Variants in TPCN1 observed in about 807,000 individuals in gnomAD.
TPCN1 encodes two pore segment channel 1.
In TPCN1, 52 loss-of-function variants were observed where a neutral mutation model predicts 108.8. That is an observed-to-expected ratio of 0.48 (90% confidence interval 0.38 to 0.60). The LOEUF (loss-of-function observed/expected upper bound fraction) is 0.60, where lower values mean the gene tolerates loss of function less well. TPCN1 is among the 20% of genes least tolerant of loss of function. The pLI is 0.00. For missense variants in TPCN1, 806 were observed against 1,072.8 expected, an observed-to-expected ratio of 0.75 and a Z score of 3.47; for synonymous variants, 446 against 433.7, an observed-to-expected ratio of 1.03 and a Z score of -0.35.
Position 113,231,741 on chromosome 12 carries a change from C to G in TPCN1, c.112+4777C>G, listed in dbSNP as rs1041026361. On this transcript the variant is annotated intron_variant, in intron 2 of 27. Coordinates refer to ENST00000335509, the MANE Select transcript of TPCN1 (RefSeq NM_017901.6). This position sits in a 1 kb window ranked among gnomAD's most constrained non-coding sequence, Gnocchi z 4.3. Reference sequence around the variant, plus strand: ...AGACATCTTTGGGCTCTAAGTGCGGCTGCTGCAGTGCTAATGAATGACTCA... The same window carrying G: ...AGACATCTTTGGGCTCTAAGTGCGGGTGCTGCAGTGCTAATGAATGACTCA... Among the ~76,000 whole-genome samples, 2 of 152,210 alleles carry G rather than the reference C, an allele frequency of 1.3e-5. No homozygotes were observed. The highest frequency in any genetic ancestry group is 6.5e-5 in the Admixed American group (1 of 15,284).
At position 113,266,090 on chromosome 12, in the gene TPCN1, G is replaced by A; in HGVS notation, c.238-90G>A. ...GCCTGAATCTCTCCTCGCCTGCCTG[G>A]GGCCTTCCTTTCCTCCCCTGCCCGC... On this transcript the variant is annotated intron_variant, in intron 3 of 27. Coordinates refer to ENST00000335509, the MANE Select transcript of TPCN1 (RefSeq NM_017901.6). The surrounding 1 kb of genome is among the most constrained non-coding windows in gnomAD (Gnocchi z 4.2). 1 of 1,404,144 alleles carries A rather than the reference G, an allele frequency of 7.1e-7. No individual in the cohort carries two copies. Among genetic ancestry groups the A allele is most frequent in the Non-Finnish European group, 9.9e-7 (1 of 1,011,778 alleles). The allele number at this position is 1,404,144 out of a possible 1,614,324, so 87.0% of individuals were successfully genotyped here.
chr12:113,288,881 C>T lies in TPCN1; in HGVS notation c.1796+34C>T, dbSNP rs1429018710. The T allele has an allele frequency of 1.9e-6, 3 of 1,606,284 alleles. No individual in the cohort carries two copies. Among genetic ancestry groups the T allele is most frequent in the Non-Finnish European group, 1.7e-6 (2 of 1,174,434 alleles). On this transcript the variant is annotated intron_variant, in intron 21 of 27. Coordinates refer to ENST00000335509, the MANE Select transcript of TPCN1 (RefSeq NM_017901.6). The surrounding 1 kb of genome is among the most constrained non-coding windows in gnomAD (Gnocchi z 4.8). Reference sequence around the variant, plus strand: ...GCCCCACCCAGCCCCAGGCAGCCTGCATTTCCCGGGCAGAGGGCTGGCCAG... The same window carrying T: ...GCCCCACCCAGCCCCAGGCAGCCTGTATTTCCCGGGCAGAGGGCTGGCCAG...
chr12:113,244,109 CT>C (rs1295752582), intron 2 of TPCN1, among the ~76,000 whole-genome samples: 3 of 152,234 alleles, frequency 2.0e-5, no homozygotes, highest in Non-Finnish European at 4.4e-5. Flanking sequence ...GACAGTGAAC[CT>C]CTCTGGACTT....
rs536698670 is a variant in TPCN1 at position 113,259,257 on chromosome 12, G to C, written c.113-1111G>C. Among the ~76,000 whole-genome samples the C allele has an allele frequency of 2.0e-5, 3 of 152,162 alleles. No individual in the cohort carries two copies. The South Asian group carries it at 6.2e-4, about 31-fold the overall frequency. ...CTCCCAAAGTGCTGGGATTACAGGCGTGAGCCACCGTGCTCAGCCCAAAAC... is the reference window on the plus strand; with the variant it reads ...CTCCCAAAGTGCTGGGATTACAGGCCTGAGCCACCGTGCTCAGCCCAAAAC... On this transcript the variant is annotated intron_variant, in intron 2 of 27. Transcript: ENST00000335509.
intron 2 of TPCN1, among the ~76,000 whole-genome samples, chr12:113,229,888 C>A (rs1440887373): frequency 6.6e-6 from 1 of 152,206 alleles, no homozygotes; most frequent in Admixed American, 6.5e-5. Flanking sequence ...TTGGGGAGGG[C>A]AAGCTCTTCA....
At chr12:113,280,046 TG>T (rs1955834833) in intron 14 of TPCN1, 104 bp from the exon 15 acceptor site, 1 of 811,380 alleles carries the variant, frequency 1.2e-6, no homozygotes, top group Non-Finnish European at 2.1e-6. Flanking sequence ...ACGAAGAGTG[TG>T]GTAGGTGGTT....
chr12:113,222,021 C>G (rs1482553075), intron 1 of TPCN1, among the ~76,000 whole-genome samples: 1 of 152,194 alleles, frequency 6.6e-6, no homozygotes. Context: ...TGAACCTCTT[C>G]CCCTAGGCCC....
At chr12:113,264,419 C>G (rs1955165801) in intron 3 of TPCN1, among the ~76,000 whole-genome samples, 1 of 152,164 alleles carries the variant, frequency 6.6e-6, no homozygotes, top group African/African-American at 2.4e-5. Context: ...TGGCTCACAC[C>G]TGTAATCCCA....
Position 113,288,965 on chromosome 12 carries a change from C to A in TPCN1, c.1796+118C>A. On this transcript the variant is annotated intron_variant, in intron 21 of 27. Transcript: ENST00000335509. The surrounding 1 kb of genome is among the most constrained non-coding windows in gnomAD (Gnocchi z 4.8). The stretch of plus-strand genomic sequence containing the variant: ...CTCGGGGATGTTCCTGTCTAAGCAA[C>A]CACCTTGCTTTGCTTTCAGGGCTTA... The A allele has an allele frequency of 1.0e-6, 1 of 1,003,656 alleles. No homozygotes were observed. Among genetic ancestry groups the A allele is most frequent in the Non-Finnish European group, 1.5e-6 (1 of 649,216 alleles). The allele number at this position is 1,003,656 out of a possible 1,614,324, so 62.2% of individuals were successfully genotyped here.
At chr12:113,255,715 G>A (rs905726719) in intron 2 of TPCN1, among the ~76,000 whole-genome samples, 6 of 151,236 alleles carry the variant, frequency 4.0e-5, no homozygotes, top group South Asian at 2.1e-4. Context: ...TAGTAGAGAC[G>A]GGCGGGGTTT....
At chr12:113,240,246 C>T (rs1332418494) in intron 2 of TPCN1, among the ~76,000 whole-genome samples, 2 of 152,136 alleles carry the variant, frequency 1.3e-5, no homozygotes, top group African/African-American at 4.8e-5. Flanking sequence ...GACCAGACGC[C>T]GTCCAGAGTG....
intron 2 of TPCN1, among the ~76,000 whole-genome samples, chr12:113,252,317 G>C (rs954617703): frequency 2.0e-5 from 3 of 152,196 alleles, no homozygotes. Context: ...GGGCCACCTG[G>C]TCCCAGGGAT....
chr12:113,291,058 C>A (rs1956249862), intron 23 of TPCN1, 60 bp downstream of exon 23: 3 of 1,461,750 alleles, frequency 2.1e-6, no homozygotes, highest in Non-Finnish European at 2.9e-6. Flanking sequence ...GGCCCTGGGT[C>A]TCCCCCAACC....
chr12:113,222,718 CTT>C (rs375479850), intron 1 of TPCN1, among the ~76,000 whole-genome samples: 1 of 151,290 alleles, frequency 6.6e-6, no homozygotes, highest in African/African-American at 2.4e-5. Flanking sequence ...CCCCCTGCCT[CTT>C]TTTTTTTAGC....
chr12:113,294,895 T>C (rs553546335), intron 27 of TPCN1, among the ~76,000 whole-genome samples: 142 of 152,292 alleles, frequency 9.3e-4, no homozygotes, highest in Non-Finnish European at 1.7e-3. Context: ...CTTGAAGCCC[T>C]TCTGTTTCAC....
At chr12:113,271,309 C>T (rs1418929032) in intron 7 of TPCN1, among the ~76,000 whole-genome samples, 1 of 152,086 alleles carries the variant, frequency 6.6e-6, no homozygotes, top group Non-Finnish European at 1.5e-5. Flanking sequence ...CATGAACACC[C>T]ATGGACCTAC....
chr12:113,265,256 C>T (rs1425719983), intron 3 of TPCN1, among the ~76,000 whole-genome samples: 2 of 152,188 alleles, frequency 1.3e-5, no homozygotes, highest in African/African-American at 4.8e-5. Context: ...GCAGACACCA[C>T]CCTAACTGCC....
At chr12:113,274,352 G>A (rs1364089121) in intron 10 of TPCN1, among the ~76,000 whole-genome samples, 1 of 152,040 alleles carries the variant, frequency 6.6e-6, no homozygotes, top group African/African-American at 2.4e-5. Flanking sequence ...GGAGGCTGAG[G>A]CAGAAGAATT....
Position 113,296,029 on chromosome 12 carries a change from G to T in TPCN1, c.2404G>T (p.Ala802Ser), listed in dbSNP as rs144203904. 4.2e-4 allele frequency: 680 copies of T among 1,613,202 alleles called. 1 individual carries two copies. Among genetic ancestry groups the T allele is most frequent in the Non-Finnish European group, 5.4e-4 (639 of 1,179,862 alleles). The stretch of plus-strand genomic sequence containing the variant: ...ACTCAGCAGCAGTGCAGCCCCCGCC[G>T]CCCAGCAGCCCCCAGGCAGCCGCCA... ...RQLSSSAAPA[A>S]QQPPGSRQRS... Residue 802 changes from alanine to serine, a missense_variant, in exon 28 of 28, where the codon GCC becomes TCC. By Grantham distance (99) the Ala-to-Ser change is moderately conservative. Coordinates refer to ENST00000335509, the MANE Select transcript of TPCN1 (RefSeq NM_017901.6).
Sources: gnomAD v4.1 joint callset for allele counts (sites outside exome capture counted in the v4.1 genomes callset) on GRCh38, gnomAD v4.1.1 for gene constraint, Gnocchi (gnomAD v3.1) non-coding constraint, MANE v1.5 for transcripts, NCBI Gene and HGNC (gene_info 2026-07-23, HGNC 2026-07-21) for gene names.